BSDC1: variants seen among roughly 807,000 people sequenced by gnomAD.
BSDC1 encodes the protein BSD domain containing 1, also known as BSD domain-containing protein 1.
Under a neutral mutation model 56.0 loss-of-function variants are expected in BSDC1, and 29 were observed. That is an observed-to-expected ratio of 0.52 (90% CI 0.39 to 0.71). BSDC1 has a LOEUF of 0.71. Ranked by LOEUF, BSDC1 falls within the 30% of genes least tolerant of loss-of-function variation. BSDC1 has a pLI of 0.00. For missense variants in BSDC1, 477 were observed against 548.5 expected, an observed-to-expected ratio of 0.87 and a Z score of 1.30; for synonymous variants, 210 against 215.3, an observed-to-expected ratio of 0.98 and a Z score of 0.21.
chr1:32,381,735 G>A (rs1460711733), intron 4 of BSDC1, among the ~76,000 whole-genome samples: 1 of 152,182 alleles, frequency 6.6e-6, no homozygotes, highest in Non-Finnish European at 1.5e-5. Context: ...AACTTAGCTG[G>A]CAAAGACAAA....
chr1:32,368,297 C>T lies in BSDC1; in HGVS notation c.1260+150G>A, dbSNP rs773081804. 42 of 1,587,548 alleles carry T rather than the reference C, an allele frequency of 2.6e-5. 1 individual carries two copies. In the South Asian group the frequency reaches 4.6e-4, roughly 17 times the overall value. ...CCTGCTGATGACCAATGTTGTGGGT[C>T]TGAGCAGGAAGCTCCAGCTCCTTTC... On this transcript the variant is annotated intron_variant, in intron 10 of 10. Transcript: ENST00000455895.
At chr1:32,388,362 T>C (rs1207804188) in intron 2 of BSDC1, among the ~76,000 whole-genome samples, 1 of 152,128 alleles carries the variant, frequency 6.6e-6, no homozygotes, top group Non-Finnish European at 1.5e-5. Flanking sequence ...CTTATTTACT[T>C]TTATTAAAAT....
At chr1:32,393,460 GAGGT>G (rs1313064684) in intron 2 of BSDC1, 1 of 152,594 alleles carries the variant, frequency 6.6e-6, no homozygotes, top group African/African-American at 2.4e-5. Context: ...TGCCCTTGAT[GAGGT>G]TCCTTCTCCA....
At chr1:32,376,235 C>A (rs1330011584) in intron 9 of BSDC1, 27 bp downstream of exon 9, 1 of 1,454,216 alleles carries the variant, frequency 6.9e-7, no homozygotes, top group Non-Finnish European at 9.1e-7. Flanking sequence ...CGCACACAAC[C>A]CTCTGGGCTT....
chr1:32,368,302 C>G (rs1641925778), intron 10 of BSDC1, 145 bp downstream of exon 10: 4 of 1,595,768 alleles, frequency 2.5e-6, no homozygotes, highest in African/African-American at 1.3e-5. Flanking sequence ...TGGGTCTGAG[C>G]AGGAAGCTCC....
rs1299028349 is a variant in BSDC1 at position 32,381,577 on chromosome 1, T to C, written c.358-309A>G. On this transcript the variant is annotated intron_variant, in intron 4 of 10. Coordinates refer to ENST00000455895, the MANE Select transcript of BSDC1 (RefSeq NM_018045.8). ...TTTGTAGTAAGTAAAATTTGAAAAA[T>C]GTTAGTGCCAATATGTTAATAAAGT... Among the ~76,000 whole-genome samples the C allele has an allele frequency of 2.0e-5, 3 of 152,164 alleles. No individual in the cohort carries two copies. The East Asian group carries it at 5.8e-4, about 29-fold the overall frequency.
Position 32,372,968 on chromosome 1 carries a change from T to C in BSDC1, c.1156+3294A>G, listed in dbSNP as rs3753607. Among the ~76,000 whole-genome samples the C allele has an allele frequency of 2.6e-4, 40 of 152,302 alleles. No homozygotes were observed. The East Asian group carries it at 7.3e-3, about 28-fold the overall frequency. ...AGTCCAGTCTCTCAGAACAGACGAA[T>C]GCTGTGACAAAACATAGGTGGAAAG... On this transcript the variant is annotated intron_variant, in intron 9 of 10. Transcript: ENST00000455895.
intron 10 of BSDC1, chr1:32,366,864 G>C (rs1641873547): frequency 2.3e-6 from 3 of 1,300,462 alleles, no homozygotes; most frequent in South Asian, 2.7e-5. Context: ...CTGATGCTCT[G>C]ATTACCTCAG....
intron 2 of BSDC1, 43 bp from the exon 3 acceptor site, chr1:32,386,938 C>T: frequency 6.7e-7 from 1 of 1,492,022 alleles, no homozygotes; most frequent in Non-Finnish European, 9.3e-7. Flanking sequence ...GCTGGCCCCA[C>T]CACCCCTTGT....
At chr1:32,394,019 C>G in intron 2 of BSDC1, 61 bp downstream of exon 2, 1 of 1,548,348 alleles carries the variant, frequency 6.5e-7, no homozygotes, top group Non-Finnish European at 8.8e-7. Flanking sequence ...CTGGTTGGAC[C>G]AGGTTGCATT....
Position 32,376,543 on chromosome 1 carries a change from G to A in BSDC1, c.875C>T (p.Pro292Leu), listed in dbSNP as rs1420005031. 1.3e-5 allele frequency: 20 copies of A among 1,559,630 alleles called. No homozygotes were observed. Among genetic ancestry groups the A allele is most frequent in the Admixed American group, 1.8e-5 (1 of 56,398 alleles). Residue 292 changes from proline (P) to leucine (L), a missense_variant, in exon 9 of 11, where the codon CCG becomes CTG. Physicochemically the swap from Pro to Leu is moderately conservative, Grantham distance 98. Coordinates refer to ENST00000455895, the MANE Select transcript of BSDC1 (RefSeq NM_018045.8). ...CACTCGTGCCTCAGGTGCAGTGGCC[G>A]GGTTGGCGATCTGTGTCACGAGGGA... is the stretch of plus-strand genomic sequence containing the variant. ...SISLVTQIAN[P>L]ATAPEARVLP...
Position 32,394,118 on chromosome 1 carries a change from T to C in BSDC1, c.34A>G (p.Ser12Gly), listed in dbSNP as rs748047457. The change falls in exon 2 of 11, where the codon AGC becomes GGC. Residue 12 changes from serine to glycine, a missense_variant. By Grantham distance (56) the Ser-to-Gly change is moderately conservative. Transcript: ENST00000455895. ...AEGEDVGWWR[S>G]WLQQSYQAVK... ...GCTTGGTAGCTCTGCTGCAGCCAGCTCCGCCACCATCCCACGTCCTCCCTG... is the reference window on the plus strand; with the variant it reads ...GCTTGGTAGCTCTGCTGCAGCCAGCCCCGCCACCATCCCACGTCCTCCCTG... The C allele has an allele frequency of 8.1e-6, 13 of 1,609,778 alleles. No individual in the cohort carries two copies. Among genetic ancestry groups the C allele is most frequent in the Non-Finnish European group, 1.1e-5 (13 of 1,178,190 alleles).
intron 9 of BSDC1, 150 bp from the exon 10 acceptor site, chr1:32,368,700 C>CT (rs112555694): frequency 0.027 from 25,081 of 917,362 alleles, no homozygotes; most frequent in East Asian, 0.032. Context: ...ACCAATCGTA[C>CT]TTTTTTTTTT....
Position 32,378,935 on chromosome 1 carries a change from G to A in BSDC1, c.413-96C>T. ...TCTAAGGCTGGACATGGAAAATGAAGAAAGCTTGTGTATTCAAAGCCACTT... is the reference window on the plus strand; with the variant it reads ...TCTAAGGCTGGACATGGAAAATGAAAAAAGCTTGTGTATTCAAAGCCACTT... On this transcript the variant is annotated intron_variant, in intron 5 of 10. Transcript: ENST00000455895. This position sits in a 1 kb window ranked among gnomAD's most constrained non-coding sequence, Gnocchi z 5.2. The A allele has an allele frequency of 2.2e-6, 2 of 889,916 alleles. No homozygotes were observed. The highest frequency in any genetic ancestry group is 3.2e-6 in the Non-Finnish European group (2 of 634,050). 55.1% of individuals were successfully genotyped at this position (889,916 alleles called of 1,614,324 possible).
At position 32,365,648 on chromosome 1, in the gene BSDC1, A is replaced by AT. The variant is rs1641819562; in HGVS notation, c.*973_*974insA. ...GAAGAGCTTTTGCAGAAGCCTGATG[A>AT]GAGTTTCAAGTTCACCCCCAGGATA... is the stretch of plus-strand genomic sequence containing the variant. On this transcript the variant is annotated 3_prime_UTR_variant, in exon 11 of 11. Coordinates refer to ENST00000455895, the MANE Select transcript of BSDC1 (RefSeq NM_018045.8). The AT allele has an allele frequency of 6.6e-6, 1 of 152,644 alleles. No individual in the cohort carries two copies. The highest frequency in any genetic ancestry group is 1.5e-5 in the Non-Finnish European group (1 of 68,044). 9.5% of individuals were successfully genotyped at this position (152,644 alleles called of 1,614,324 possible). A position where few individuals can be genotyped will look rare whatever the true frequency, so the allele number is the denominator to read the frequency against.
At position 32,381,116 on chromosome 1, in the gene BSDC1, G is replaced by T. The variant is rs1642463861; in HGVS notation, c.412+98C>A. 8.6e-6 allele frequency: 10 copies of T among 1,158,918 alleles called. No homozygotes were observed. In the South Asian group the frequency reaches 1.2e-4, roughly 13 times the overall value. The allele number at this position is 1,158,918 out of a possible 1,614,324, so 71.8% of individuals were successfully genotyped here. ...TCACTCTGGTCTCCCTACATAGGGG[G>T]TGCCCGGCCTCTGCTACCTGAGACA... On this transcript the variant is annotated intron_variant, in intron 5 of 10. Transcript: ENST00000455895.
rs561306235 is a variant in BSDC1 at position 32,386,799 on chromosome 1, C to T, written c.169G>A (p.Val57Met). The stretch of plus-strand genomic sequence containing the variant: ...CTCACAGCCAGCTTCTCCTTGACCA[C>T]GCTGGCCGTGGCTGCGATGGTACAG... Reference protein sequence around the residue: ...TACTIAATASVVKEKLATEGS... With the variant: ...TACTIAATASMVKEKLATEGS... Residue 57 changes from valine to methionine, a missense_variant, in exon 3 of 11, where the codon GTG becomes ATG. Physicochemically the swap from Val to Met is conservative, Grantham distance 21 (BLOSUM62 1). Coordinates refer to ENST00000455895, the MANE Select transcript of BSDC1 (RefSeq NM_018045.8). 21 of 1,612,850 alleles carry T rather than the reference C, an allele frequency of 1.3e-5. No individual in the cohort carries two copies. The African/African-American group carries it at 1.5e-4, about 11-fold the overall frequency.
At position 32,378,044 on chromosome 1, in the gene BSDC1, T is replaced by C; in HGVS notation, c.602A>G (p.Gln201Arg). 6.2e-7 allele frequency: 1 copy of C among 1,608,406 alleles called. No homozygotes were observed. The highest frequency in any genetic ancestry group is 8.5e-7 in the Non-Finnish European group (1 of 1,176,700). ...FYKVHQLEQE[Q>R]ARRDALKQRA... is the part of the protein sequence containing the mutation. ...CTGCTTCAGGGCGTCCCTCCGGGCCTGCTCCTGAATGTGGGGGAGCAGAAG... is the reference window on the plus strand; with the variant it reads ...CTGCTTCAGGGCGTCCCTCCGGGCCCGCTCCTGAATGTGGGGGAGCAGAAG... The change falls in exon 8 of 11, where the codon CAG (glutamine) becomes CGG (arginine). Residue 201 changes from glutamine (Q) to arginine (R), a missense_variant. Coordinates refer to ENST00000455895, the MANE Select transcript of BSDC1 (RefSeq NM_018045.8). The surrounding 1 kb of genome is among the most constrained non-coding windows in gnomAD (Gnocchi z 5.2).
At chr1:32,389,597 G>T (rs746400494) in intron 2 of BSDC1, among the ~76,000 whole-genome samples, 3 of 152,182 alleles carry the variant, frequency 2.0e-5, no homozygotes, top group Non-Finnish European at 4.4e-5. Flanking sequence ...GGGAGGTTGG[G>T]AAGATGTGGT....
Sources: allele counts gnomAD v4.1 joint callset (sites outside exome capture counted in the v4.1 genomes callset), GRCh38; gene constraint gnomAD v4.1.1; non-coding constraint Gnocchi (gnomAD v3.1); transcripts MANE v1.5; gene names NCBI Gene and HGNC (gene_info 2026-07-23, HGNC 2026-07-21).